PADI4: variants seen among roughly 807,000 people sequenced by gnomAD.
The protein encoded by PADI4 is peptidyl arginine deiminase 4.
A neutral mutation model predicts 75.0 loss-of-function variants in PADI4; 62 were observed. The observed-to-expected ratio is 0.83, with a 90% CI of 0.67 to 1.02. The LOEUF is 1.02. PADI4 is among the 50% of genes least tolerant of loss of function. PADI4 has a pLI of 0.00. For missense variants in PADI4, 845 were observed against 850.5 expected, an observed-to-expected ratio of 0.99 and a Z score of 0.08; for synonymous variants, 361 against 348.1, an observed-to-expected ratio of 1.04 and a Z score of -0.41.
intron 14 of PADI4, 106 bp downstream of exon 14, chr1:17,359,014 G>A (rs1237843191): frequency 1.5e-5 from 12 of 778,922 alleles, no homozygotes; most frequent in Non-Finnish European, 2.6e-5. Flanking sequence ...CTCAGGATGC[G>A]CTGGAAGACA....
At chr1:17,308,440 G>A (rs972436178) in intron 1 of PADI4, 126 bp downstream of exon 1, 1 of 707,056 alleles carries the variant, frequency 1.4e-6, no homozygotes, top group East Asian at 2.7e-5. Flanking sequence ...CACTGCCAGG[G>A]GAGTAGCTGG....
In PADI4 at chr1:17,332,659, C is replaced by T. The variant is rs1180586474; in HGVS notation, c.274-1284C>T. Among the ~76,000 whole-genome samples, 3 of 152,158 alleles carry T rather than the reference C, an allele frequency of 2.0e-5. No homozygotes were observed. The East Asian group carries it at 5.8e-4, about 29-fold the overall frequency. On this transcript the variant is annotated intron_variant, in intron 2 of 15. Transcript: ENST00000375448. Reference sequence around the variant, plus strand: ...ATCTTTTTGGGGACCACCATTCCACCTACTACACCCCCTTTGCCTGTAGAT... The same window carrying T: ...ATCTTTTTGGGGACCACCATTCCACTTACTACACCCCCTTTGCCTGTAGAT...
intron 8 of PADI4, 122 bp from the exon 9 acceptor site, chr1:17,345,906 G>C: frequency 1.6e-6 from 1 of 630,042 alleles, no homozygotes; most frequent in South Asian, 1.9e-5. Flanking sequence ...TGGACCGGAC[G>C]TGCCAGGAGC....
chr1:17,351,609 C>CAAAAAAAAA (rs56047360), intron 10 of PADI4, among the ~76,000 whole-genome samples: 1 of 98,026 alleles, frequency 1.0e-5, no homozygotes. Flanking sequence ...GACCTGGTCT[C>CAAAAAAAAA]AAAAAAAAAA....
intron 1 of PADI4, among the ~76,000 whole-genome samples, chr1:17,310,037 A>G (rs1427896004): frequency 6.6e-6 from 1 of 152,116 alleles, no homozygotes; most frequent in African/African-American, 2.4e-5. Flanking sequence ...CCCAGAAAGG[A>G]TGGGGACTCC....
rs112811143 is a variant in PADI4 at position 17,355,864 on chromosome 1, T to C, written c.1311-119T>C. The C allele has an allele frequency of 2.5e-3, 2,342 of 938,956 alleles. 36 individuals carry two copies. In the African/African-American group the frequency reaches 0.031, roughly 13 times the overall value. The allele number at this position is 938,956 out of a possible 1,614,324, so 58.2% of individuals were successfully genotyped here. A position where few individuals can be genotyped will look rare whatever the true frequency, so the allele number is the denominator to read the frequency against. Reference sequence around the variant, plus strand: ...GGGATAAAATAAAGGCATTCTAGACTCCTGCATCCCTTTCTCAGCTGAAGG... The same window carrying C: ...GGGATAAAATAAAGGCATTCTAGACCCCTGCATCCCTTTCTCAGCTGAAGG... On this transcript the variant is annotated intron_variant, in intron 11 of 15. Transcript: ENST00000375448.
intron 11 of PADI4, 93 bp downstream of exon 11, chr1:17,354,780 G>A (rs980998923): frequency 1.5e-5 from 19 of 1,245,638 alleles, no homozygotes; most frequent in East Asian, 1.5e-4. Context: ...TCCTGCTTCC[G>A]ATTCTAGACA....
intron 10 of PADI4, among the ~76,000 whole-genome samples, chr1:17,350,369 C>G (rs183564086): frequency 1.5e-5 from 2 of 131,220 alleles, no homozygotes; most frequent in African/African-American, 5.0e-5. Flanking sequence ...AAAGCCAGCT[C>G]GTTACAAGTG....
intron 15 of PADI4, 94 bp from the exon 16 acceptor site, chr1:17,363,428 A>G: frequency 2.4e-6 from 2 of 816,652 alleles, no homozygotes; most frequent in Non-Finnish European, 2.0e-6. Flanking sequence ...TGGAGGGGCT[A>G]TTATTTCCAA....
intron 9 of PADI4, among the ~76,000 whole-genome samples, chr1:17,347,412 A>G (rs1347576009): frequency 6.6e-6 from 1 of 152,088 alleles, no homozygotes. Flanking sequence ...CGGAATTTTC[A>G]GCAGATTCAT....
Position 17,341,984 on chromosome 1 carries a change from A to C in PADI4, c.694A>C (p.Lys232Gln). Reference sequence around the variant, plus strand: ...CAAGTGCAGCGTAGTCTTGGGTCCCAAGTGGCCCTCTCACTACCTGATGGT... The same window carrying C: ...CAAGTGCAGCGTAGTCTTGGGTCCCCAGTGGCCCTCTCACTACCTGATGGT... ...SSKCSVVLGPKWPSHYLMVPG... is the reference protein window; with the variant it reads ...SSKCSVVLGPQWPSHYLMVPG... The change falls in exon 7 of 16, where the codon AAG becomes CAG. Residue 232 changes from lysine (K) to glutamine (Q), a missense_variant. Coordinates refer to ENST00000375448, the MANE Select transcript of PADI4 (RefSeq NM_012387.3). The C allele has an allele frequency of 1.2e-6, 2 of 1,614,056 alleles. No homozygotes were observed. The highest frequency in any genetic ancestry group is 1.7e-6 in the Non-Finnish European group (2 of 1,179,954).
At chr1:17,329,913 G>A (rs771132860) in intron 1 of PADI4, among the ~76,000 whole-genome samples, 24 of 152,170 alleles carry the variant, frequency 1.6e-4, no homozygotes, top group Non-Finnish European at 2.2e-4. Context: ...ACATGAAGAA[G>A]GCTAATTCTG....
chr1:17,311,144 T>C (rs2073819104), intron 1 of PADI4, among the ~76,000 whole-genome samples: 2 of 150,738 alleles, frequency 1.3e-5, no homozygotes, highest in African/African-American at 2.4e-5. Context: ...ATGCCTGTAA[T>C]CTCAACTACT....
At chr1:17,309,930 G>C (rs2073786547) in intron 1 of PADI4, among the ~76,000 whole-genome samples, 1 of 152,190 alleles carries the variant, frequency 6.6e-6, no homozygotes. Context: ...CAGCGTCCAT[G>C]AGTAGTAATC....
Position 17,325,396 on chromosome 1 carries a change from G to A in PADI4, c.93-5573G>A, listed in dbSNP as rs542863544. Among the ~76,000 whole-genome samples the A allele has an allele frequency of 1.1e-4, 17 of 151,964 alleles. No individual in the cohort carries two copies. The South Asian group carries it at 2.3e-3, about 20-fold the overall frequency. ...AAAATTGTTTTCTTCTTAAAGAAAT[G>A]GTTTGCTAGAAAAAAAGAAAAATAT... On this transcript the variant is annotated intron_variant, in intron 1 of 15. Transcript: ENST00000375448.
intron 1 of PADI4, among the ~76,000 whole-genome samples, chr1:17,308,764 C>T (rs143479662): frequency 7.9e-5 from 4 of 50,628 alleles, no homozygotes; most frequent in East Asian, 1.7e-3. Flanking sequence ...GTGGGGATGG[C>T]GAAACGGGGC....
chr1:17,319,534 G>T (rs1422311102), intron 1 of PADI4, among the ~76,000 whole-genome samples: 1 of 152,138 alleles, frequency 6.6e-6, no homozygotes, highest in Non-Finnish European at 1.5e-5. Context: ...AAAAAAGAGA[G>T]AGAGAGACAT....
At chr1:17,322,354 T>TG (rs1274249226) in intron 1 of PADI4, among the ~76,000 whole-genome samples, 1 of 152,110 alleles carries the variant, frequency 6.6e-6, no homozygotes, top group East Asian at 1.9e-4. Flanking sequence ...CCGGGAGTGG[T>TG]GGCATGCACC....
intron 1 of PADI4, among the ~76,000 whole-genome samples, chr1:17,319,089 G>A (rs992894972): frequency 5.9e-5 from 9 of 152,184 alleles, no homozygotes; most frequent in African/African-American, 1.4e-4. Context: ...GATTACAGGC[G>A]GGAGCCATCG....
Sources: allele counts gnomAD v4.1 joint callset (sites outside exome capture counted in the v4.1 genomes callset), GRCh38; gene constraint gnomAD v4.1.1; transcripts MANE v1.5; gene names NCBI Gene and HGNC (gene_info 2026-07-23, HGNC 2026-07-21).